Variants in HIBADH observed in about 807,000 individuals in gnomAD.
The protein encoded by HIBADH is 3-hydroxyisobutyrate dehydrogenase, mitochondrial.
Under a neutral mutation model 36.1 loss-of-function variants are expected in HIBADH, and 25 were observed. The observed-to-expected ratio is 0.69, with a 90% CI of 0.50 to 0.97. The LOEUF (loss-of-function observed/expected upper bound fraction) is 0.97, where lower values mean the gene tolerates loss of function less well. HIBADH is among the 50% of genes least tolerant of loss of function. The pLI is 0.00. For synonymous variants in HIBADH, 160 were observed against 149.5 expected, an observed-to-expected ratio of 1.07 and a Z score of -0.51; for missense variants, 421 against 418.0, an observed-to-expected ratio of 1.01 and a Z score of -0.06.
chr7:27,598,463 AAG>A (rs1376902152), intron 4 of HIBADH, among the ~76,000 whole-genome samples: 15 of 152,216 alleles, frequency 9.9e-5, no homozygotes, highest in African/African-American at 3.6e-4. Context: ...AAGAAGGAAT[AAG>A]AATCACAAGC....
At chr7:27,539,507 C>T (rs888710601) in intron 5 of HIBADH, among the ~76,000 whole-genome samples, 3 of 152,004 alleles carry the variant, frequency 2.0e-5, no homozygotes, top group African/African-American at 7.3e-5. Flanking sequence ...AGACAACTAA[C>T]AATTTCAGTG....
chr7:27,599,245 T>C (rs1279873256), intron 4 of HIBADH, among the ~76,000 whole-genome samples: 1 of 152,080 alleles, frequency 6.6e-6, no homozygotes, highest in Non-Finnish European at 1.5e-5. Context: ...ATTCCTTAGG[T>C]TGAACTTAAA....
intron 4 of HIBADH, among the ~76,000 whole-genome samples, chr7:27,581,434 A>C (rs1224564397): frequency 6.6e-6 from 1 of 152,182 alleles, no homozygotes; most frequent in African/African-American, 2.4e-5. Flanking sequence ...CTTCAGTTTT[A>C]TCTACAACAG....
chr7:27,589,369 T>A (rs1784908978), intron 4 of HIBADH, among the ~76,000 whole-genome samples: 1 of 152,204 alleles, frequency 6.6e-6, no homozygotes, highest in Non-Finnish European at 1.5e-5. Flanking sequence ...ATCCTTAAAC[T>A]ATGCTGCTAG....
In HIBADH at chr7:27,543,021, C is replaced by G. The variant is rs768604832; in HGVS notation, c.564G>C (p.Leu188Phe). The G allele has an allele frequency of 1.9e-6, 3 of 1,613,830 alleles. No individual in the cohort carries two copies. The highest frequency in any genetic ancestry group is 2.5e-6 in the Non-Finnish European group (3 of 1,179,870). Residue 188 changes from leucine to phenylalanine, a missense_variant, in exon 5 of 8, where the codon TTG becomes TTC. Physicochemically the swap from Leu to Phe is conservative, Grantham distance 22 (BLOSUM62 0). Transcript: ENST00000265395. Reference protein sequence around the residue: ...VEDEFAAAQELLGCMGSNVVY... With the variant: ...VEDEFAAAQEFLGCMGSNVVY... ...CCACGTTGGAGCCCATGCACCCCAG[C>G]AACTCTTGGGCAGCAGCAAATTCAT...
chr7:27,543,858 A>ATGATTGGAG (rs139182151), intron 4 of HIBADH, among the ~76,000 whole-genome samples: 23,730 of 152,004 alleles, frequency 0.16, 2,007 homozygotes, highest in Middle Eastern at 0.19. Flanking sequence ...ATTCATTCTA[A>ATGATTGGAG]TGATTGGAGA....
Position 27,632,321 on chromosome 7 carries a change from G to A in HIBADH, c.362+15C>T. On this transcript the variant is annotated intron_variant, in intron 3 of 7. Transcript: ENST00000265395. ...TATCATAACAAGAAAATATCCACAG[G>A]TGAGAAATACATACTTTAGAATCCC... is the stretch of plus-strand genomic sequence containing the variant. 2 of 1,466,534 alleles carry A rather than the reference G, an allele frequency of 1.4e-6. No individual in the cohort carries two copies. The highest frequency in any genetic ancestry group is 2.3e-5 in the East Asian group (1 of 44,182). 90.8% of individuals were successfully genotyped at this position (1,466,534 alleles called of 1,614,324 possible).
intron 4 of HIBADH, among the ~76,000 whole-genome samples, chr7:27,622,512 A>G (rs762255888): frequency 3.9e-5 from 6 of 152,186 alleles, no homozygotes; most frequent in Non-Finnish European, 7.3e-5. Flanking sequence ...CTTCAAAAAG[A>G]TAAATAAAAT....
intron 2 of HIBADH, among the ~76,000 whole-genome samples, chr7:27,634,794 G>A (rs1400287512): frequency 6.6e-6 from 1 of 152,242 alleles, no homozygotes; most frequent in African/African-American, 2.4e-5. Context: ...GTCTAAGGAT[G>A]TTTCACAGCT....
chr7:27,536,489 C>A (rs1198850481), intron 6 of HIBADH, among the ~76,000 whole-genome samples: 5 of 152,014 alleles, frequency 3.3e-5, no homozygotes, highest in African/African-American at 4.8e-5. Flanking sequence ...CATAGTTGAT[C>A]AGAGCCAAAA....
At position 27,526,288 on chromosome 7, in the gene HIBADH, T is replaced by A. The variant is rs778060741; in HGVS notation, c.937A>T (p.Met313Leu). The part of the protein sequence containing the change: ...GSLAHQIYRM[M>L]CAKGYSKKDF... Reference sequence around the variant, plus strand: ...TTCTTTGAGTAGCCCTTTGCACACATCATCCTGTAGATCTGATGGGCCAGA... The same window carrying A: ...TTCTTTGAGTAGCCCTTTGCACACAACATCCTGTAGATCTGATGGGCCAGA... The change falls in exon 8 of 8, where the codon ATG (methionine) becomes TTG (leucine). Residue 313 changes from methionine to leucine, a missense_variant. Coordinates refer to ENST00000265395, the MANE Select transcript of HIBADH (RefSeq NM_152740.4). 1.2e-6 allele frequency: 2 copies of A among 1,613,814 alleles called. No individual in the cohort carries two copies. The highest frequency in any genetic ancestry group is 1.7e-6 in the Non-Finnish European group (2 of 1,179,876).
chr7:27,538,157 A>G (rs1474732087), intron 6 of HIBADH, among the ~76,000 whole-genome samples, 184 bp downstream of exon 6: 1 of 152,228 alleles, frequency 6.6e-6, no homozygotes, highest in Admixed American at 6.5e-5. Context: ...AAGAGTATTC[A>G]TGCTCTCCTG....
At chr7:27,621,482 T>C (rs1053385277) in intron 4 of HIBADH, among the ~76,000 whole-genome samples, 11 of 152,134 alleles carry the variant, frequency 7.2e-5, no homozygotes, top group African/African-American at 2.7e-4. Context: ...ACAAAATAAG[T>C]CTGAATAACT....
intron 2 of HIBADH, among the ~76,000 whole-genome samples, chr7:27,638,427 T>C (rs1297515435): frequency 6.7e-6 from 1 of 150,262 alleles, no homozygotes; most frequent in Non-Finnish European, 1.5e-5. Flanking sequence ...CCTTATACCA[T>C]ACTCAAAATT....
At position 27,588,152 on chromosome 7, in the gene HIBADH, C is replaced by T. The variant is rs190044548; in HGVS notation, c.484+41219G>A. Among the ~76,000 whole-genome samples, 3 of 152,198 alleles carry T rather than the reference C, an allele frequency of 2.0e-5. No homozygotes were observed. The East Asian group carries it at 5.8e-4, about 29-fold the overall frequency. On this transcript the variant is annotated intron_variant, in intron 4 of 7. Transcript: ENST00000265395. The stretch of plus-strand genomic sequence containing the variant: ...TTACAAAACTAAAAAAATGAAAAGG[C>T]TGCTGGCCAGGCACAAGTCAAATGT...
chr7:27,648,777 T>C (rs1786123301), intron 2 of HIBADH, among the ~76,000 whole-genome samples: 1 of 152,226 alleles, frequency 6.6e-6, no homozygotes, highest in South Asian at 2.1e-4. Flanking sequence ...TAAACTCTGG[T>C]ACCAAAATTC....
At chr7:27,552,059 T>A (rs1784326237) in intron 4 of HIBADH, among the ~76,000 whole-genome samples, 2 of 152,190 alleles carry the variant, frequency 1.3e-5, no homozygotes, top group Non-Finnish European at 2.9e-5. Context: ...ACGAACAATA[T>A]AATCCCGTGA....
chr7:27,624,716 T>C (rs927206711), intron 4 of HIBADH, among the ~76,000 whole-genome samples: 6 of 152,220 alleles, frequency 3.9e-5, no homozygotes, highest in Admixed American at 1.3e-4. Flanking sequence ...AGAACCATCA[T>C]ATCAGTCCTT....
chr7:27,556,611 T>C (rs1442713745), intron 4 of HIBADH, among the ~76,000 whole-genome samples: 1 of 152,194 alleles, frequency 6.6e-6, no homozygotes, highest in East Asian at 1.9e-4. Context: ...TGGGGTGAAG[T>C]AGGGATCTGC....
Sources: gnomAD v4.1 joint callset for allele counts (sites outside exome capture counted in the v4.1 genomes callset) on GRCh38, gnomAD v4.1.1 for gene constraint, MANE v1.5 for transcripts, NCBI Gene and HGNC (gene_info 2026-07-23, HGNC 2026-07-21) for gene names.